EIF4G3: variants seen among roughly 807,000 people sequenced by gnomAD.
EIF4G3 encodes the protein eIF-4-gamma 3.
A neutral mutation model predicts 186.4 loss-of-function variants in EIF4G3; 34 were observed. The ratio of observed to expected loss-of-function variants is 0.18; its 90% CI spans 0.14 to 0.24. The LOEUF (loss-of-function observed/expected upper bound fraction) is 0.24. Among genes scored for constraint, EIF4G3 ranks in the 10% least tolerant of loss-of-function variants. The pLI, the probability that EIF4G3 is intolerant of heterozygous loss-of-function variation, is 1.00. For missense variants in EIF4G3, 1,536 were observed against 1,948.5 expected, an observed-to-expected ratio of 0.79 and a Z score of 3.99; for synonymous variants, 673 against 679.5, an observed-to-expected ratio of 0.99 and a Z score of 0.15.
At chr1:21,047,985 T>C (rs1459684048) in intron 4 of EIF4G3, among the ~76,000 whole-genome samples, 1 of 152,172 alleles carries the variant, frequency 6.6e-6, no homozygotes, top group Non-Finnish European at 1.5e-5. Flanking sequence ...ACTGGGTTCA[T>C]TCATTAGATT....
intron 24 of EIF4G3, among the ~76,000 whole-genome samples, chr1:20,858,165 C>T (rs760595622): frequency 1.3e-5 from 2 of 152,184 alleles, no homozygotes; most frequent in South Asian, 2.1e-4. Context: ...TAGTAAAGTA[C>T]AAAATTCGTC....
At chr1:21,173,833 T>A (rs555208556) in intron 2 of EIF4G3, among the ~76,000 whole-genome samples, 2 of 152,354 alleles carry the variant, frequency 1.3e-5, no homozygotes, top group South Asian at 4.1e-4. Flanking sequence ...TTAAATGTTA[T>A]CCACTTATTG....
chr1:21,032,653 T>C (rs1317413662), intron 4 of EIF4G3, among the ~76,000 whole-genome samples: 1 of 152,192 alleles, frequency 6.6e-6, no homozygotes, highest in Non-Finnish European at 1.5e-5. Context: ...GTTATGTTCT[T>C]CAAATGTTTT....
intron 35 of EIF4G3, among the ~76,000 whole-genome samples, chr1:20,812,528 A>AT (rs939005571): frequency 6.6e-6 from 1 of 151,798 alleles, no homozygotes; most frequent in Non-Finnish European, 1.5e-5. Context: ...GCACTGATGA[A>AT]TTTTTTTTTC....
intron 3 of EIF4G3, among the ~76,000 whole-genome samples, chr1:21,054,927 G>C (rs1557737921): frequency 6.6e-6 from 1 of 152,086 alleles, no homozygotes; most frequent in East Asian, 1.9e-4. Flanking sequence ...TAAAATAATT[G>C]TATCTAGTTT....
intron 12 of EIF4G3, among the ~76,000 whole-genome samples, chr1:20,950,454 G>C (rs2096159892): frequency 6.6e-6 from 1 of 152,118 alleles, no homozygotes; most frequent in African/African-American, 2.4e-5. Context: ...ACACATCTGA[G>C]AAGGAATTTA....
intron 2 of EIF4G3, among the ~76,000 whole-genome samples, chr1:21,123,072 C>A (rs761310585): frequency 6.6e-6 from 1 of 152,028 alleles, no homozygotes; most frequent in Non-Finnish European, 1.5e-5. Flanking sequence ...TTATCATTGC[C>A]GTTCTTTCTT....
intron 7 of EIF4G3, among the ~76,000 whole-genome samples, chr1:20,984,567 C>T (rs1435220562): frequency 1.4e-5 from 2 of 146,362 alleles, no homozygotes; most frequent in South Asian, 2.4e-4. Context: ...TATACACACA[C>T]ACACACACAC....
chr1:20,902,125 G>A (rs2090509903), intron 15 of EIF4G3, among the ~76,000 whole-genome samples: 1 of 150,358 alleles, frequency 6.7e-6, no homozygotes, highest in African/African-American at 2.5e-5. Context: ...AGTCAGTGGC[G>A]CGATCTCGGC....
At chr1:21,172,120 A>C (rs1253713270) in intron 2 of EIF4G3, among the ~76,000 whole-genome samples, 5 of 3,116 alleles carry the variant, frequency 1.6e-3, no homozygotes, top group Admixed American at 6.0e-3. Context: ...TCCTCTAGCA[A>C]AAAAAAAAAA....
chr1:21,142,714 T>C (rs1217095356), intron 2 of EIF4G3, among the ~76,000 whole-genome samples: 1 of 152,170 alleles, frequency 6.6e-6, no homozygotes, highest in African/African-American at 2.4e-5. Context: ...CCTTCATACA[T>C]TTTGATCTGC....
At chr1:21,153,924 T>G (rs1386371207) in intron 2 of EIF4G3, among the ~76,000 whole-genome samples, 1 of 151,868 alleles carries the variant, frequency 6.6e-6, no homozygotes. Context: ...GCTGCTGTGG[T>G]TTACATTGCT....
At chr1:20,987,707 TTCTCC>T (rs2079907807) in intron 7 of EIF4G3, among the ~76,000 whole-genome samples, 1 of 152,214 alleles carries the variant, frequency 6.6e-6, no homozygotes, top group South Asian at 2.1e-4. Flanking sequence ...TCTCCCATTT[TTCTCC>T]TCTCCTTAGA....
chr1:20,904,872 G>T lies in EIF4G3; in HGVS notation c.1752+11C>A, dbSNP rs1342621912. 1.9e-6 allele frequency: 3 copies of T among 1,608,680 alleles called. No individual in the cohort carries two copies. Among genetic ancestry groups the T allele is most frequent in the Non-Finnish European group, 2.6e-6 (3 of 1,175,584 alleles). Reference sequence around the variant, plus strand: ...CACTGCTCTGAATATGAACTTAAGAGATTTGCTTACCTCCAATTCTGCCTC... The same window carrying T: ...CACTGCTCTGAATATGAACTTAAGATATTTGCTTACCTCCAATTCTGCCTC... On this transcript the variant is annotated intron_variant, in intron 15 of 36. Transcript: ENST00000602326.
chr1:21,134,202 G>A (rs538537021), intron 2 of EIF4G3, among the ~76,000 whole-genome samples: 96 of 152,246 alleles, frequency 6.3e-4, no homozygotes, highest in African/African-American at 2.2e-3. Flanking sequence ...CAGTCATAAT[G>A]AGACTTAATA....
rs147394303 is a variant in EIF4G3 at position 21,123,399 on chromosome 1, C to G, written c.-271-34186G>C. ...CCAACACGGCAAAACCCTGTCTCTA[C>G]TAAAAATACAAAAAATTAGCTGGCT... is the stretch of plus-strand genomic sequence containing the variant. On this transcript the variant is annotated intron_variant, in intron 2 of 36. Coordinates refer to ENST00000602326, the MANE Select transcript of EIF4G3 (RefSeq NM_001391906.1). Among the ~76,000 whole-genome samples, 287 of 151,894 alleles carry G rather than the reference C, an allele frequency of 1.9e-3. 1 individual carries two copies. The highest frequency in any genetic ancestry group is 6.1e-3 in the African/African-American group (254 of 41,448).
At chr1:20,900,839 G>A (rs1489734809) in intron 15 of EIF4G3, among the ~76,000 whole-genome samples, 1 of 152,150 alleles carries the variant, frequency 6.6e-6, no homozygotes, top group Non-Finnish European at 1.5e-5. Flanking sequence ...AGAGGATAGT[G>A]TAAAGTAGTG....
At chr1:20,950,719 C>A (rs2096174428) in intron 12 of EIF4G3, among the ~76,000 whole-genome samples, 1 of 152,078 alleles carries the variant, frequency 6.6e-6, no homozygotes. Flanking sequence ...AATCAGAAAT[C>A]TTGACTAAAA....
chr1:20,839,239 A>G (rs944286017), intron 30 of EIF4G3, among the ~76,000 whole-genome samples: 3 of 151,940 alleles, frequency 2.0e-5, no homozygotes, highest in African/African-American at 7.3e-5. Context: ...GGCCTCCCAA[A>G]GTGCTGGGAT....
Sources: gnomAD v4.1 joint callset for allele counts (sites outside exome capture counted in the v4.1 genomes callset) on GRCh38, gnomAD v4.1.1 for gene constraint, MANE v1.5 for transcripts, NCBI Gene and HGNC (gene_info 2026-07-23, HGNC 2026-07-21) for gene names.